The following GOLGA2 variants were observed in gnomAD, a reference collection of about 807,000 sequenced individuals.
GOLGA2 encodes golgin A2, also known as golgin subfamily A member 2.
Under a neutral mutation model 148.8 loss-of-function variants are expected in GOLGA2, and 49 were observed. The observed-to-expected ratio is 0.33, with a 90% CI of 0.26 to 0.42. The LOEUF is 0.42. GOLGA2 is among the 10% of genes least tolerant of loss of function. The pLI, the probability that GOLGA2 is intolerant of heterozygous loss-of-function variation, is 1.00. For missense variants in GOLGA2, 1,178 were observed against 1,304.6 expected, an observed-to-expected ratio of 0.90 and a Z score of 1.49; for synonymous variants, 501 against 511.8, an observed-to-expected ratio of 0.98 and a Z score of 0.28.
In GOLGA2 at chr9:128,273,833, G is replaced by A; in HGVS notation, c.207+17C>T. 2 of 1,613,420 alleles carry A rather than the reference G, an allele frequency of 1.2e-6. No homozygotes were observed. The highest frequency in any genetic ancestry group is 2.2e-5 in the East Asian group (1 of 44,876). Reference sequence around the variant, plus strand: ...TTGGGCCCCCTGTCCCCAGGAGCCTGGCCATCCAAGACTCACATCCTCAGG... The same window carrying A: ...TTGGGCCCCCTGTCCCCAGGAGCCTAGCCATCCAAGACTCACATCCTCAGG... On this transcript the variant is annotated intron_variant, in intron 2 of 26. Transcript: ENST00000611957.
Position 128,260,314 on chromosome 9 carries a change from C to A in GOLGA2, c.1759-125G>T. Reference sequence around the variant, plus strand: ...GCAGGTTAGAAAAATCATCCCCTCTCCCCCACAGCCATCGGAGCAGGGCTC... The same window carrying A: ...GCAGGTTAGAAAAATCATCCCCTCTACCCCACAGCCATCGGAGCAGGGCTC... On this transcript the variant is annotated intron_variant, in intron 18 of 26. Transcript: ENST00000611957. This position sits in a 1 kb window ranked among gnomAD's most constrained non-coding sequence, Gnocchi z 4.8. The A allele has an allele frequency of 9.1e-7, 1 of 1,095,810 alleles. No homozygotes were observed. Among genetic ancestry groups the A allele is most frequent in the South Asian group, 1.3e-5 (1 of 79,974 alleles). The allele number at this position is 1,095,810 out of a possible 1,614,324, so 67.9% of individuals were successfully genotyped here.
Position 128,257,332 on chromosome 9 carries a change from C to T in GOLGA2, c.2875+37G>A, listed in dbSNP as rs1829939628. On this transcript the variant is annotated intron_variant, in intron 26 of 26. Coordinates refer to ENST00000611957, the MANE Select transcript of GOLGA2 (RefSeq NM_001366244.2). The surrounding 1 kb of genome is among the most constrained non-coding windows in gnomAD (Gnocchi z 8.0). ...TGAGTGCCACGCGAGCCCTCCCTTA[C>T]TCCTGCCTGCCCACCCCTCCCGAGG... 6.2e-7 allele frequency: 1 copy of T among 1,612,906 alleles called. No individual in the cohort carries two copies. Among genetic ancestry groups the T allele is most frequent in the Middle Eastern group, 1.9e-4 (1 of 5,310 alleles).
chr9:128,260,879 C>G lies in GOLGA2; in HGVS notation c.1421-77G>C. The G allele has an allele frequency of 9.6e-7, 1 of 1,043,058 alleles. No individual in the cohort carries two copies. Among genetic ancestry groups the G allele is most frequent in the Non-Finnish European group, 1.4e-6 (1 of 724,074 alleles). The allele number at this position is 1,043,058 out of a possible 1,614,324, so 64.6% of individuals were successfully genotyped here. ...CTCTTGGTCCATACCTCCTCTCAAGCTCCCCAAACTTGGCCTCCCTGCTGA... is the reference window on the plus strand; with the variant it reads ...CTCTTGGTCCATACCTCCTCTCAAGGTCCCCAAACTTGGCCTCCCTGCTGA... On this transcript the variant is annotated intron_variant, in intron 17 of 26. Coordinates refer to ENST00000611957, the MANE Select transcript of GOLGA2 (RefSeq NM_001366244.2). This position sits in a 1 kb window ranked among gnomAD's most constrained non-coding sequence, Gnocchi z 4.8.
At chr9:128,275,709 G>A (rs1039267991) in intron 1 of GOLGA2, among the ~76,000 whole-genome samples, 184 bp downstream of exon 1, 3 of 152,182 alleles carry the variant, frequency 2.0e-5, no homozygotes, top group Admixed American at 6.5e-5. Flanking sequence ...GGCGACTGGC[G>A]AGGGCGGGGG....
Position 128,262,724 on chromosome 9 carries a change from AGAAAGGAAT to A in GOLGA2, c.993-29_993-21del, listed in dbSNP as rs777545002. The A allele has an allele frequency of 1.9e-6, 3 of 1,608,032 alleles. No individual in the cohort carries two copies. Among genetic ancestry groups the A allele is most frequent in the Non-Finnish European group, 1.7e-6 (2 of 1,177,084 alleles). On this transcript the variant is annotated intron_variant, in intron 13 of 26. Transcript: ENST00000611957. ...CTTTGGCTATGGCCAGAGGCAGTAG[AGAAAGGAAT>A]GAACGAAGAACAGAAAGGACTGCTT...
At chr9:128,263,356 C>T (rs1830390826) in intron 12 of GOLGA2, among the ~76,000 whole-genome samples, 1 of 152,162 alleles carries the variant, frequency 6.6e-6, no homozygotes, top group South Asian at 2.1e-4. Flanking sequence ...GTCCAAGTGA[C>T]TCTCCTGCCT....
chr9:128,258,196 C>T lies in GOLGA2; in HGVS notation c.2292G>A (p.Val764=), dbSNP rs1830024010. Residue 764 remains valine, a splice_region_variant and synonymous_variant, in exon 23 of 27, where the codon GTG becomes GTA. Coordinates refer to ENST00000611957, the MANE Select transcript of GOLGA2 (RefSeq NM_001366244.2). The surrounding 1 kb of genome is among the most constrained non-coding windows in gnomAD (Gnocchi z 6.6). ...TGGCTACAGCTGAGTTGAAAAATGCCACCTGCAGGCAAGAGGGGTGCATTC... is the reference window on the plus strand; with the variant it reads ...TGGCTACAGCTGAGTTGAAAAATGCTACCTGCAGGCAAGAGGGGTGCATTC... ...PEDLESREAM[V]AFFNSAVASA... 6.3e-7 allele frequency: 1 copy of T among 1,584,812 alleles called. No homozygotes were observed. The highest frequency in any genetic ancestry group is 8.6e-7 in the Non-Finnish European group (1 of 1,167,160).
In GOLGA2 at chr9:128,261,393, T is replaced by G. The variant is rs985196030; in HGVS notation, c.1332+61A>C. The G allele has an allele frequency of 2.3e-5, 28 of 1,242,492 alleles. No homozygotes were observed. In the East Asian group the frequency reaches 4.4e-4, roughly 20 times the overall value. 77.0% of individuals were successfully genotyped at this position (1,242,492 alleles called of 1,614,324 possible). ...GGCTGTGCTCCTCCCATTTCGCAGA[T>G]GCCCAGAAAGATCAAGTGACCTATC... On this transcript the variant is annotated intron_variant, in intron 16 of 26. Transcript: ENST00000611957. This position sits in a 1 kb window ranked among gnomAD's most constrained non-coding sequence, Gnocchi z 5.7.
At chr9:128,264,091 G>A (rs1830445060) in intron 12 of GOLGA2, among the ~76,000 whole-genome samples, 1 of 150,744 alleles carries the variant, frequency 6.6e-6, no homozygotes, top group Non-Finnish European at 1.5e-5. Flanking sequence ...CATGAACCCG[G>A]GAGACAGAGC....
At chr9:128,273,795 C>G (rs753332221) in intron 2 of GOLGA2, 55 bp downstream of exon 2, 3 of 1,589,272 alleles carry the variant, frequency 1.9e-6, no homozygotes, top group Admixed American at 3.4e-5. Flanking sequence ...TAACAATTAC[C>G]CTCTACTGCC....
In GOLGA2 at chr9:128,258,250, G is replaced by A. The variant is rs1410890417; in HGVS notation, c.2290-52C>T. 7.1e-7 allele frequency: 1 copy of A among 1,409,290 alleles called. No homozygotes were observed. Among genetic ancestry groups the A allele is most frequent in the Admixed American group, 2.0e-5 (1 of 49,782 alleles). 87.3% of individuals were successfully genotyped at this position (1,409,290 alleles called of 1,614,324 possible). A position where few individuals can be genotyped will look rare whatever the true frequency, so the allele number is the denominator to read the frequency against. On this transcript the variant is annotated intron_variant, in intron 22 of 26. Transcript: ENST00000611957. This position sits in a 1 kb window ranked among gnomAD's most constrained non-coding sequence, Gnocchi z 6.6. ...TAGGAGGATATATAGGATGAACAGG[G>A]CAGGGAGGTAGAGAGCAGCCCTTCC...
At position 128,275,925 on chromosome 9, in the gene GOLGA2, G is replaced by T; in HGVS notation, c.52C>A (p.Arg18=). 1.3e-6 allele frequency: 2 copies of T among 1,592,126 alleles called. No individual in the cohort carries two copies. The highest frequency in any genetic ancestry group is 1.1e-5 in the South Asian group (1 of 89,630). The change falls in exon 1 of 27, where the codon CGA becomes AGA. Residue 18 remains arginine (R), a synonymous_variant. Coordinates refer to ENST00000611957, the MANE Select transcript of GOLGA2 (RefSeq NM_001366244.2). ...PPRPAMSEET[R]QSKLAAAKKK... is the part of the protein sequence containing the mutation. ...TTCGCTGCGGCCAATTTGCTCTGTC[G>T]GGTTTCTTCCGACATCGCGGGGCGG...
Position 128,258,244 on chromosome 9 carries a change from A to C in GOLGA2, c.2290-46T>G. ...TTCTTGTAGGAGGATATATAGGATGAACAGGGCAGGGAGGTAGAGAGCAGC... is the reference window on the plus strand; with the variant it reads ...TTCTTGTAGGAGGATATATAGGATGCACAGGGCAGGGAGGTAGAGAGCAGC... On this transcript the variant is annotated intron_variant, in intron 22 of 26. Transcript: ENST00000611957. This position sits in a 1 kb window ranked among gnomAD's most constrained non-coding sequence, Gnocchi z 6.6. 6.9e-7 allele frequency: 1 copy of C among 1,442,204 alleles called. No homozygotes were observed. Among genetic ancestry groups the C allele is most frequent in the Non-Finnish European group, 9.5e-7 (1 of 1,053,238 alleles). The allele number at this position is 1,442,204 out of a possible 1,614,324, so 89.3% of individuals were successfully genotyped here.
chr9:128,259,464 G>A (rs999923116), intron 19 of GOLGA2, 73 bp from the exon 20 acceptor site: 15 of 955,588 alleles, frequency 1.6e-5, no homozygotes, highest in South Asian at 1.1e-4. Context: ...ATAGGGTAGC[G>A]AGGGCTCTGT....
chr9:128,267,272 G>C lies in GOLGA2; in HGVS notation c.564C>G (p.Ser188Arg). 1 of 1,603,532 alleles carries C rather than the reference G, an allele frequency of 6.2e-7. No homozygotes were observed. Among genetic ancestry groups the C allele is most frequent in the Non-Finnish European group, 8.5e-7 (1 of 1,170,366 alleles). ...ASSANLKDLE[S>R]RYQQLAVALD... ...GGGCTACCGCTAGCTGTTGGTACCGGCTCTGAGGCGCATGCAGAGAGGAGG... is the reference window on the plus strand; with the variant it reads ...GGGCTACCGCTAGCTGTTGGTACCGCCTCTGAGGCGCATGCAGAGAGGAGG... Residue 188 changes from serine to arginine, a missense_variant and splice_region_variant, in exon 8 of 27, where the codon AGC becomes AGG. By Grantham distance (110) the Ser-to-Arg change is moderately radical. Transcript: ENST00000611957.
rs1215525304 is a variant in GOLGA2 at position 128,259,349 on chromosome 9, G to A, written c.1915C>T (p.Arg639Ter). Residue 639 changes from arginine to a stop codon, truncating the protein, a stop_gained, in exon 20 of 27, where the codon CGA (arginine) becomes TGA (stop). Transcript: ENST00000611957. LOFTEE classifies it high-confidence loss of function. ...SQEAQSLQQQRDQYLGHLQQY... is the reference protein window; with the variant it reads ...SQEAQSLQQQ The stretch of plus-strand genomic sequence containing the variant: ...TGCAGGTGTCCCAGGTACTGGTCTC[G>A]CTGCTGCTGCAGACTTTGAGCCTCT... The A allele has an allele frequency of 1.2e-6, 2 of 1,604,090 alleles. No individual in the cohort carries two copies. Among genetic ancestry groups the A allele is most frequent in the East Asian group, 2.2e-5 (1 of 44,650 alleles).
Position 128,258,573 on chromosome 9 carries a change from A to C in GOLGA2, c.2174-3T>G. On this transcript the variant is annotated splice_region_variant and splice_polypyrimidine_tract_variant and intron_variant, in intron 21 of 26. Transcript: ENST00000611957. The surrounding 1 kb of genome is among the most constrained non-coding windows in gnomAD (Gnocchi z 6.6). ...CTCCTCCCGGTCCAGTCCATCTCCT[A>C]TGGGGGTGGCCAGAGGGGTCATCAG... is the stretch of plus-strand genomic sequence containing the variant. 1 of 1,554,482 alleles carries C rather than the reference A, an allele frequency of 6.4e-7. No homozygotes were observed. Among genetic ancestry groups the C allele is most frequent in the Non-Finnish European group, 8.7e-7 (1 of 1,149,140 alleles).
At chr9:128,275,871 GC>G (rs766527471) in intron 1 of GOLGA2, 21 bp downstream of exon 1, 89 of 1,381,438 alleles carry the variant, frequency 6.4e-5, no homozygotes, top group Non-Finnish European at 7.3e-5. Flanking sequence ...GGGTCGGGGG[GC>G]CGCGACCCGG....
intron 12 of GOLGA2, among the ~76,000 whole-genome samples, chr9:128,263,417 ATTTGT>A (rs922499439): frequency 4.0e-5 from 6 of 151,854 alleles, no homozygotes; most frequent in East Asian, 3.9e-4. Context: ...TGTCCGGCTA[ATTTGT>A]TTTGTTTTGT....
Sources: allele counts gnomAD v4.1 joint callset (sites outside exome capture counted in the v4.1 genomes callset), GRCh38; gene constraint gnomAD v4.1.1; non-coding constraint Gnocchi (gnomAD v3.1); transcripts MANE v1.5; gene names NCBI Gene and HGNC (gene_info 2026-07-23, HGNC 2026-07-21).